The following QTMAN variants were observed in gnomAD, a reference collection of about 807,000 sequenced individuals.
QTMAN encodes the protein tRNA-queuosine alpha-mannosyltransferase.
At chr2:144,017,001 C>T in the QTMAN span, among the ~76,000 whole-genome samples, 16 of 151,376 alleles carry the variant, frequency 1.1e-4, no homozygotes, top group African/African-American at 3.6e-4. Flanking sequence ...TATTCTAAAG[C>T]CAAATGTTAC....
At chr2:144,140,969 C>T in the QTMAN span, among the ~76,000 whole-genome samples, 2 of 151,994 alleles carry the variant, frequency 1.3e-5, no homozygotes, top group East Asian at 3.9e-4. Flanking sequence ...TGAGGACTAC[C>T]GTTTCTACAG....
At chr2:144,260,613 AACTAATGCCC>A in the QTMAN span, among the ~76,000 whole-genome samples, 20 of 152,164 alleles carry the variant, frequency 1.3e-4, no homozygotes, top group African/African-American at 4.8e-4. Context: ...TTCAATCAGT[AACTAATGCCC>A]ACTATGTAGA....
At chr2:144,273,652 T>C in the QTMAN span, among the ~76,000 whole-genome samples, 1 of 152,134 alleles carries the variant, frequency 6.6e-6, no homozygotes, top group Non-Finnish European at 1.5e-5. Flanking sequence ...AACATAATAG[T>C]TGTGCCTCTA....
At chr2:144,055,365 A>ACC in the QTMAN span, among the ~76,000 whole-genome samples, 2 of 150,334 alleles carry the variant, frequency 1.3e-5, no homozygotes, top group African/African-American at 2.5e-5. Flanking sequence ...ACACACACAC[A>ACC]CACCCCTCTG....
At chr2:144,133,342 TATTA>T in the QTMAN span, among the ~76,000 whole-genome samples, 1 of 59,608 alleles carries the variant, frequency 1.7e-5, no homozygotes, top group Non-Finnish European at 3.0e-5. Flanking sequence ...TATAAATATA[TATTA>T]TATATGTATA....
the QTMAN span, among the ~76,000 whole-genome samples, chr2:144,111,795 G>A: frequency 1.7e-4 from 26 of 152,220 alleles, no homozygotes; most frequent in African/African-American, 5.5e-4. Flanking sequence ...CAGAGGAACC[G>A]CTCTTATATA....
chr2:144,064,810 A>AC, the QTMAN span, among the ~76,000 whole-genome samples: 2 of 152,200 alleles, frequency 1.3e-5, no homozygotes, highest in Non-Finnish European at 2.9e-5. Flanking sequence ...TTACTATGTT[A>AC]CCCCAAGGAA....
chr2:144,098,869 T>A, the QTMAN span, among the ~76,000 whole-genome samples: 2 of 151,616 alleles, frequency 1.3e-5, no homozygotes, highest in African/African-American at 4.8e-5. Context: ...AAAACTGACT[T>A]AAGCTGAGTG....
chr2:143,990,587 C>A, the QTMAN span, among the ~76,000 whole-genome samples: 1 of 152,166 alleles, frequency 6.6e-6, no homozygotes, highest in Non-Finnish European at 1.5e-5. Flanking sequence ...TAATAAAATT[C>A]TCCTGTAATT....
At chr2:144,279,701 T>C in the QTMAN span, among the ~76,000 whole-genome samples, 5 of 152,208 alleles carry the variant, frequency 3.3e-5, no homozygotes, top group African/African-American at 1.2e-4. Flanking sequence ...GTCCACCAAG[T>C]TCGGCCACCA....
At chr2:144,023,851 A>T in the QTMAN span, among the ~76,000 whole-genome samples, 3 of 152,216 alleles carry the variant, frequency 2.0e-5, no homozygotes, top group Admixed American at 6.5e-5. Context: ...ATAAAAAAAA[A>T]TTTCTTGTAA....
At chr2:144,164,280 T>G in the QTMAN span, among the ~76,000 whole-genome samples, 1 of 151,900 alleles carries the variant, frequency 6.6e-6, no homozygotes, top group Non-Finnish European at 1.5e-5. Context: ...TATTTCCTCA[T>G]GTGATAAATG....
At chr2:144,231,858 G>A in the QTMAN span, among the ~76,000 whole-genome samples, 2 of 128,142 alleles carry the variant, frequency 1.6e-5, no homozygotes, top group Non-Finnish European at 3.5e-5. Flanking sequence ...GTGTGTGTGT[G>A]TGTGTGTGTG....
At chr2:144,316,086 T>TA in the QTMAN span, among the ~76,000 whole-genome samples, 1 of 152,014 alleles carries the variant, frequency 6.6e-6, no homozygotes, top group Admixed American at 6.6e-5. Context: ...CTACAGAAAC[T>TA]AAAAAAATTA....
At chr2:144,026,486 A>C in the QTMAN span, among the ~76,000 whole-genome samples, 1 of 152,194 alleles carries the variant, frequency 6.6e-6, no homozygotes, top group African/African-American at 2.4e-5. Flanking sequence ...GTGTAAATAA[A>C]GTATCACAAA....
At chr2:144,232,149 G>A in the QTMAN span, among the ~76,000 whole-genome samples, 1 of 152,070 alleles carries the variant, frequency 6.6e-6, no homozygotes, top group Non-Finnish European at 1.5e-5. Context: ...GGAGCAATGG[G>A]GAACTGTAGC....
At chr2:144,030,197 C>G in the QTMAN span, among the ~76,000 whole-genome samples, 1 of 152,150 alleles carries the variant, frequency 6.6e-6, no homozygotes, top group Non-Finnish European at 1.5e-5. Flanking sequence ...ACTAATTACT[C>G]TTCTCTCCTA....
the QTMAN span, among the ~76,000 whole-genome samples, chr2:144,219,994 ATT>A: frequency 1.3e-5 from 2 of 152,128 alleles, no homozygotes; most frequent in East Asian, 3.9e-4. Context: ...CACTATATAT[ATT>A]TTTAATAATC....
chr2:144,008,996 A>G, the QTMAN span, among the ~76,000 whole-genome samples: 1 of 152,026 alleles, frequency 6.6e-6, no homozygotes, highest in African/African-American at 2.4e-5. Flanking sequence ...TTGGACTTTT[A>G]AAAATGAGGC....
Sources: gnomAD v4.1 joint callset for allele counts (sites outside exome capture counted in the v4.1 genomes callset) on GRCh38, gnomAD v4.1.1 for gene constraint, MANE v1.5 for transcripts, NCBI Gene and HGNC (gene_info 2026-07-23, HGNC 2026-07-21) for gene names.